The following SLC9A9 variants were observed in gnomAD, a reference collection of about 807,000 sequenced individuals.
SLC9A9 encodes the protein sodium/hydrogen exchanger 9.
In SLC9A9, 62 loss-of-function variants were observed where a neutral mutation model predicts 77.8. That is an observed-to-expected ratio of 0.80 (90% CI 0.65 to 0.98). The LOEUF (loss-of-function observed/expected upper bound fraction) is 0.98, where lower values mean the gene tolerates loss of function less well. SLC9A9 is among the 50% of genes least tolerant of loss of function. SLC9A9 has a pLI of 0.00. For missense variants in SLC9A9, 775 were observed against 774.9 expected (o/e 1.00, Z 0.00); for synonymous variants, 320 against 283.5 (o/e 1.13, Z -1.29).
At chr3:143,640,649 C>A (rs2038606030) in intron 6 of SLC9A9, among the ~76,000 whole-genome samples, 1 of 152,056 alleles carries the variant, frequency 6.6e-6, no homozygotes, top group African/African-American at 2.4e-5. Flanking sequence ...TTGCTTGAGC[C>A]TAGGAATTCC....
chr3:143,580,067 T>C (rs944185692), intron 6 of SLC9A9, among the ~76,000 whole-genome samples: 5 of 152,172 alleles, frequency 3.3e-5, no homozygotes, highest in African/African-American at 1.2e-4. Flanking sequence ...CTTTGAAGTG[T>C]TTTTCTTTTT....
intron 11 of SLC9A9, among the ~76,000 whole-genome samples, chr3:143,468,416 G>T (rs983862539): frequency 2.0e-5 from 3 of 152,048 alleles, no homozygotes; most frequent in African/African-American, 7.2e-5. Flanking sequence ...TCTCAGTTCT[G>T]TACTTTGTTC....
At chr3:143,268,145 G>T (rs545639566) in intron 15 of SLC9A9, among the ~76,000 whole-genome samples, 81 of 152,260 alleles carry the variant, frequency 5.3e-4, no homozygotes, top group African/African-American at 1.9e-3. Context: ...ACACTTCTAA[G>T]GGTACTTGCA....
At position 143,698,467 on chromosome 3, in the gene SLC9A9, A is replaced by C. The variant is rs572432903; in HGVS notation, c.534-5160T>G. On this transcript the variant is annotated intron_variant, in intron 4 of 15. Coordinates refer to ENST00000316549, the MANE Select transcript of SLC9A9 (RefSeq NM_173653.4). The stretch of plus-strand genomic sequence containing the variant: ...ATTTTACTCTAATAGAAGGCATTGC[A>C]TAAAAGGGGATTTGGGAAAATGCTT... 5.9e-5 allele frequency among the ~76,000 whole-genome samples: 9 copies of C among 152,334 alleles called. No individual in the cohort carries two copies. In the East Asian group the frequency reaches 1.7e-3, roughly 29 times the overall value.
intron 12 of SLC9A9, among the ~76,000 whole-genome samples, chr3:143,431,285 T>C (rs80021827): frequency 0.028 from 4,239 of 152,270 alleles, 224 homozygotes; most frequent in African/African-American, 0.096. Context: ...CCAGCTTCGT[T>C]TATGCCACTA....
chr3:143,808,904 G>A (rs750569347), intron 2 of SLC9A9, among the ~76,000 whole-genome samples: 9 of 152,032 alleles, frequency 5.9e-5, no homozygotes, highest in East Asian at 1.9e-4. Context: ...ATATTTGAAC[G>A]AATATTTTCA....
rs375341355 is a variant in SLC9A9, at chr3:143,495,715, T to C, written c.1090-267A>G. Among the ~76,000 whole-genome samples, 24 of 152,276 alleles carry C rather than the reference T, an allele frequency of 1.6e-4. No individual in the cohort carries two copies. The East Asian group carries it at 4.4e-3, about 28-fold the overall frequency. ...AATATTAACCAGCATGATCCTTCCA[T>C]GGAACAATTCCTACTAAGATGACAA... On this transcript the variant is annotated intron_variant, in intron 9 of 15. Coordinates refer to ENST00000316549, the MANE Select transcript of SLC9A9 (RefSeq NM_173653.4).
At chr3:143,534,162 GATA>G (rs1316507236) in intron 9 of SLC9A9, among the ~76,000 whole-genome samples, 2 of 152,136 alleles carry the variant, frequency 1.3e-5, no homozygotes, top group Non-Finnish European at 1.5e-5. Flanking sequence ...TTAATTAAAA[GATA>G]ATAATGTTTC....
intron 5 of SLC9A9, among the ~76,000 whole-genome samples, chr3:143,671,693 C>A (rs746027288): frequency 6.6e-6 from 1 of 152,148 alleles, no homozygotes; most frequent in Non-Finnish European, 1.5e-5. Flanking sequence ...TTGTGCTTAA[C>A]ACTGAATTGT....
chr3:143,695,120 G>A (rs929783708), intron 4 of SLC9A9, among the ~76,000 whole-genome samples: 3 of 152,088 alleles, frequency 2.0e-5, no homozygotes, highest in Admixed American at 6.6e-5. Flanking sequence ...CAGGTGCACA[G>A]TCTCTTGACA....
intron 9 of SLC9A9, among the ~76,000 whole-genome samples, chr3:143,546,001 T>C (rs1466647179): frequency 6.6e-6 from 1 of 152,240 alleles, no homozygotes; most frequent in Non-Finnish European, 1.5e-5. Context: ...AGTCATTTAG[T>C]TCAATCATTC....
intron 4 of SLC9A9, among the ~76,000 whole-genome samples, chr3:143,780,937 A>C (rs2007853437): frequency 6.6e-6 from 1 of 152,212 alleles, no homozygotes. Context: ...TATATTTTTT[A>C]GTTGTTTTAG....
chr3:143,407,383 T>C (rs902039223), intron 12 of SLC9A9, among the ~76,000 whole-genome samples: 1 of 152,184 alleles, frequency 6.6e-6, no homozygotes, highest in Non-Finnish European at 1.5e-5. Flanking sequence ...GCTGACAATA[T>C]CCTAGGTGAT....
intron 12 of SLC9A9, among the ~76,000 whole-genome samples, chr3:143,409,595 C>T (rs1340704536): frequency 6.6e-6 from 1 of 152,238 alleles, no homozygotes; most frequent in African/African-American, 2.4e-5. Flanking sequence ...AGCTATCCTT[C>T]TGCATCAAAG....
At chr3:143,550,827 C>G (rs944157333) in intron 9 of SLC9A9, among the ~76,000 whole-genome samples, 1 of 152,164 alleles carries the variant, frequency 6.6e-6, no homozygotes, top group African/African-American at 2.4e-5. Flanking sequence ...CTCATGTCTC[C>G]CAGAGTCATA....
At chr3:143,682,394 C>T (rs968298287) in intron 5 of SLC9A9, among the ~76,000 whole-genome samples, 1 of 152,012 alleles carries the variant, frequency 6.6e-6, no homozygotes, top group African/African-American at 2.4e-5. Context: ...CAAAAGTATC[C>T]TACAATTTTA....
At chr3:143,696,270 T>A (rs937066915) in intron 4 of SLC9A9, among the ~76,000 whole-genome samples, 1 of 152,218 alleles carries the variant, frequency 6.6e-6, no homozygotes, top group African/African-American at 2.4e-5. Flanking sequence ...AGGGTTTTTA[T>A]GGTTTTAGGT....
intron 6 of SLC9A9, among the ~76,000 whole-genome samples, chr3:143,592,036 G>T (rs1436387247): frequency 1.3e-5 from 2 of 152,188 alleles, no homozygotes; most frequent in Non-Finnish European, 2.9e-5. Context: ...TTTTCTGGAA[G>T]AAGATTCCTT....
chr3:143,396,868 T>G (rs1426706239), intron 12 of SLC9A9, among the ~76,000 whole-genome samples: 1 of 152,168 alleles, frequency 6.6e-6, no homozygotes, highest in Non-Finnish European at 1.5e-5. Flanking sequence ...ATGTTCTGGC[T>G]GCAGAGATAA....
Sources: allele counts gnomAD v4.1 joint callset (sites outside exome capture counted in the v4.1 genomes callset), GRCh38; gene constraint gnomAD v4.1.1; transcripts MANE v1.5; gene names NCBI Gene and HGNC (gene_info 2026-07-23, HGNC 2026-07-21).